The following EDIL3 variants were observed in gnomAD, a reference collection of about 807,000 sequenced individuals.
EDIL3 encodes EGF-like repeat and discoidin I-like domain-containing protein 3.
EDIL3 carries 37 observed loss-of-function variants against 67.4 expected under a neutral mutation model. The ratio of observed to expected loss-of-function variants is 0.55; its 90% CI spans 0.42 to 0.72. The LOEUF (loss-of-function observed/expected upper bound fraction) is 0.72. Among genes scored for constraint, EDIL3 ranks in the 30% least tolerant of loss-of-function variants. The pLI is 0.00. For missense variants in EDIL3, 527 were observed against 586.3 expected (o/e 0.90, Z 1.04); for synonymous variants, 195 against 196.3 (o/e 0.99, Z 0.05).
chr5:84,238,665 G>GTTTTTTTTTT (rs3046880), intron 2 of EDIL3, among the ~76,000 whole-genome samples: 12 of 101,104 alleles, frequency 1.2e-4, no homozygotes, highest in East Asian at 3.4e-4. Context: ...AAAATTAAAT[G>GTTTTTTTTTT]TTTTTTTTTT....
intron 3 of EDIL3, among the ~76,000 whole-genome samples, chr5:84,212,583 C>T (rs1316011206): frequency 2.0e-5 from 3 of 151,990 alleles, no homozygotes; most frequent in East Asian, 3.9e-4. Context: ...GTGAGAATTG[C>T]AAAGTGAGAA....
At chr5:84,183,197 T>C (rs1016035665) in intron 3 of EDIL3, among the ~76,000 whole-genome samples, 1 of 152,174 alleles carries the variant, frequency 6.6e-6, no homozygotes, top group Admixed American at 6.5e-5. Flanking sequence ...TTTTACAGTT[T>C]TTTTTTAAAT....
At chr5:84,196,191 C>CA (rs1013421195) in intron 3 of EDIL3, among the ~76,000 whole-genome samples, 5 of 151,518 alleles carry the variant, frequency 3.3e-5, no homozygotes, top group Middle Eastern at 3.4e-3. Flanking sequence ...TATTACTTTG[C>CA]AAAAAAAATA....
chr5:84,184,911 C>A (rs1487268052), intron 3 of EDIL3, among the ~76,000 whole-genome samples: 1 of 152,142 alleles, frequency 6.6e-6, no homozygotes, highest in African/African-American at 2.4e-5. Flanking sequence ...GAGGTTATGG[C>A]TGCTGTTATT....
At chr5:84,358,566 A>G (rs1747533934) in intron 1 of EDIL3, among the ~76,000 whole-genome samples, 1 of 149,264 alleles carries the variant, frequency 6.7e-6, no homozygotes, top group African/African-American at 2.5e-5. Flanking sequence ...AGATACCTAC[A>G]GCATAAGACA....
chr5:84,234,379 C>T (rs1744639957), intron 2 of EDIL3, among the ~76,000 whole-genome samples: 1 of 152,254 alleles, frequency 6.6e-6, no homozygotes, highest in East Asian at 1.9e-4. Flanking sequence ...GACTTCCTTC[C>T]TTTCTTCCTC....
At chr5:84,318,062 G>A (rs1370907063) in intron 1 of EDIL3, among the ~76,000 whole-genome samples, 1 of 152,060 alleles carries the variant, frequency 6.6e-6, no homozygotes, top group African/African-American at 2.4e-5. Context: ...ATTCACAATT[G>A]CTATTAAGAG....
At chr5:84,356,885 C>CTTTTTTT (rs1229298711) in intron 1 of EDIL3, among the ~76,000 whole-genome samples, 19 of 39,356 alleles carry the variant, frequency 4.8e-4, no homozygotes, top group African/African-American at 1.6e-3. Context: ...AACAATCTTT[C>CTTTTTTT]TTTCTTTTTT....
chr5:84,298,013 G>T (rs1746085941), intron 1 of EDIL3, among the ~76,000 whole-genome samples: 1 of 152,088 alleles, frequency 6.6e-6, no homozygotes, highest in African/African-American at 2.4e-5. Context: ...TTAGACCCCG[G>T]ACCCCAGACA....
intron 3 of EDIL3, among the ~76,000 whole-genome samples, chr5:84,198,598 T>A (rs1223805213): frequency 6.6e-6 from 1 of 152,102 alleles, no homozygotes; most frequent in African/African-American, 2.4e-5. Context: ...CATCCAAGGT[T>A]ATCGATGCCT....
At chr5:84,285,964 C>T (rs147867946) in intron 1 of EDIL3, among the ~76,000 whole-genome samples, 33 of 152,276 alleles carry the variant, frequency 2.2e-4, no homozygotes, top group African/African-American at 7.5e-4. Context: ...TTCCTTTTGC[C>T]TGTTTGAACA....
In EDIL3 at chr5:84,141,930, T is replaced by TAC. The variant is rs1313681487; in HGVS notation, c.356-4577_356-4576insGT. 2.2e-3 allele frequency among the ~76,000 whole-genome samples: 281 copies of TAC among 125,580 alleles called. 4 individuals carry two copies. The highest frequency in any genetic ancestry group is 0.012 in the South Asian group (46 of 3,836). 82.4% of individuals were successfully genotyped at this position (125,580 alleles called of 152,430 possible). A position where few individuals can be genotyped will look rare whatever the true frequency, so the allele number is the denominator to read the frequency against. Reference sequence around the variant, plus strand: ...TCATATATATATATATATACACATATATATATATATATATATACATAGATC... The same window carrying TAC: ...TCATATATATATATATATACACATATACATATATATATATATATACATAGATC... On this transcript the variant is annotated intron_variant, in intron 4 of 10. Coordinates refer to ENST00000296591, the MANE Select transcript of EDIL3 (RefSeq NM_005711.5).
intron 6 of EDIL3, among the ~76,000 whole-genome samples, chr5:84,101,733 C>CCAGATATA (rs199871213): frequency 0.013 from 2,034 of 152,048 alleles, 49 homozygotes; most frequent in African/African-American, 0.047. Flanking sequence ...CTGAATTCTA[C>CCAGATATA]CAGATATACA....
At position 83,943,097 on chromosome 5, in the gene EDIL3, C is replaced by G; in HGVS notation, c.*322G>C. The G allele has an allele frequency of 3.7e-6, 1 of 268,734 alleles. No individual in the cohort carries two copies. Among genetic ancestry groups the G allele is most frequent in the Non-Finnish European group, 7.2e-6 (1 of 139,056 alleles). The allele number at this position is 268,734 out of a possible 1,614,324, so 16.6% of individuals were successfully genotyped here. On this transcript the variant is annotated 3_prime_UTR_variant, in exon 11 of 11. Transcript: ENST00000296591. Reference sequence around the variant, plus strand: ...TTGATGACTTTGAGACTTTTTTACTCTTGCTATAAAAAGAAGGCTACTTTC... The same window carrying G: ...TTGATGACTTTGAGACTTTTTTACTGTTGCTATAAAAAGAAGGCTACTTTC...
At chr5:84,086,767 T>C (rs1747079814) in intron 6 of EDIL3, among the ~76,000 whole-genome samples, 1 of 152,096 alleles carries the variant, frequency 6.6e-6, no homozygotes, top group Non-Finnish European at 1.5e-5. Flanking sequence ...AAACTAACTA[T>C]GTCTTAAATA....
intron 9 of EDIL3, among the ~76,000 whole-genome samples, chr5:84,004,406 T>C (rs1331501222): frequency 6.6e-6 from 1 of 151,760 alleles, no homozygotes; most frequent in East Asian, 1.9e-4. Flanking sequence ...TAGTCTAAAA[T>C]AACCACACAC....
Position 84,384,186 on chromosome 5 carries a change from G to C in EDIL3, c.67+122C>G, listed in dbSNP as rs913209246. On this transcript the variant is annotated intron_variant, in intron 1 of 10. Transcript: ENST00000296591. ...ACCCAGGACTCGACGCCTCCTCCGC[G>C]CCGCCAGCGGCGCTCGCCACCCTTG... is the stretch of plus-strand genomic sequence containing the variant. 4.0e-6 allele frequency: 5 copies of C among 1,253,274 alleles called. No individual in the cohort carries two copies. The East Asian group carries it at 1.2e-4, about 31-fold the overall frequency. The allele number at this position is 1,253,274 out of a possible 1,614,324, so 77.6% of individuals were successfully genotyped here. A position where few individuals can be genotyped will look rare whatever the true frequency, so the allele number is the denominator to read the frequency against.
intron 3 of EDIL3, among the ~76,000 whole-genome samples, chr5:84,199,583 A>G: frequency 6.6e-6 from 1 of 152,062 alleles, no homozygotes; most frequent in Non-Finnish European, 1.5e-5. Flanking sequence ...GAGCATACCA[A>G]CAAAGAGAAA....
At chr5:84,052,765 T>C (rs1267127612) in intron 9 of EDIL3, among the ~76,000 whole-genome samples, 1 of 152,236 alleles carries the variant, frequency 6.6e-6, no homozygotes, top group Non-Finnish European at 1.5e-5. Context: ...CTAACTATTC[T>C]AAATATATAT....
Sources: allele counts gnomAD v4.1 joint callset (sites outside exome capture counted in the v4.1 genomes callset), GRCh38; gene constraint gnomAD v4.1.1; transcripts MANE v1.5; gene names NCBI Gene and HGNC (gene_info 2026-07-23, HGNC 2026-07-21).